Variants in CSMD1 observed in about 807,000 individuals in gnomAD.
CSMD1 encodes the protein CUB and sushi domain-containing protein 1.
A neutral mutation model predicts 417.5 loss-of-function variants in CSMD1; 213 were observed. The ratio of observed to expected loss-of-function variants is 0.51; its 90% CI spans 0.46 to 0.57. The LOEUF (loss-of-function observed/expected upper bound fraction) is 0.57, where lower values mean the gene tolerates loss of function less well. Ranked by LOEUF, CSMD1 falls within the 20% of genes least tolerant of loss-of-function variation. CSMD1 has a pLI of 0.00. For synonymous variants in CSMD1, 2,862 were observed against 1,736.8 expected (o/e 1.65, Z -16.11); for missense variants, 6,923 against 4,529.7 (o/e 1.53, Z -15.17).
chr8:3,165,174 C>G (rs1460814025), intron 37 of CSMD1, among the ~76,000 whole-genome samples: 1 of 151,842 alleles, frequency 6.6e-6, no homozygotes, highest in Non-Finnish European at 1.5e-5. Flanking sequence ...CACTACACAC[C>G]CAGTATATGT....
At chr8:3,901,475 A>C (rs549280703) in intron 5 of CSMD1, among the ~76,000 whole-genome samples, 10 of 152,136 alleles carry the variant, frequency 6.6e-5, no homozygotes, top group Non-Finnish European at 1.2e-4. Flanking sequence ...CACTTGATAG[A>C]TCTCACACAT....
At chr8:3,235,530 C>T (rs1219144011) in intron 26 of CSMD1, among the ~76,000 whole-genome samples, 1 of 152,124 alleles carries the variant, frequency 6.6e-6, no homozygotes, top group Non-Finnish European at 1.5e-5. Flanking sequence ...TCCCATTGCA[C>T]ATTAAGGATT....
chr8:4,826,478 G>C (rs79236178), intron 1 of CSMD1, among the ~76,000 whole-genome samples: 2,490 of 152,156 alleles, frequency 0.016, 75 homozygotes, highest in African/African-American at 0.055. Context: ...CTTTGATTTT[G>C]CTTTATGTTG....
intron 3 of CSMD1, among the ~76,000 whole-genome samples, chr8:4,364,157 C>CATAAATATAT (rs1472595833): frequency 6.6e-6 from 1 of 152,116 alleles, no homozygotes; most frequent in East Asian, 1.9e-4. Flanking sequence ...TCTTGTACTT[C>CATAAATATAT]ATAAATATAT....
At position 3,214,624 on chromosome 8, in the gene CSMD1, G is replaced by A; in HGVS notation, c.4740C>T (p.Phe1580=). Residue 1580 remains phenylalanine (F), a synonymous_variant, in exon 30 of 70, where the codon TTC becomes TTT. Transcript: ENST00000635120. ...GGTAGGTGATGGTGGAGCCAAGCTTGAAGTCTGTTCCAACTCTTGTCCCAT... is the reference window on the plus strand; with the variant it reads ...GGTAGGTGATGGTGGAGCCAAGCTTAAAGTCTGTTCCAACTCTTGTCCCAT... The part of the protein sequence containing the change: ...IMNGTRVGTD[F]KLGSTITYQC... 1.3e-6 allele frequency: 2 copies of A among 1,556,528 alleles called. No homozygotes were observed. The highest frequency in any genetic ancestry group is 2.4e-5 in the East Asian group (1 of 41,336).
intron 10 of CSMD1, among the ~76,000 whole-genome samples, chr8:3,520,760 A>G (rs188947888): frequency 3.3e-5 from 5 of 152,046 alleles, no homozygotes; most frequent in Admixed American, 3.3e-4. Context: ...ACACTTGCTT[A>G]TCACCAGCCA....
At chr8:3,649,020 C>A (rs1473396751) in intron 7 of CSMD1, among the ~76,000 whole-genome samples, 1 of 152,050 alleles carries the variant, frequency 6.6e-6, no homozygotes, top group Non-Finnish European at 1.5e-5. Context: ...ATGTACTGTC[C>A]AAGGTCACAG....
chr8:4,209,402 G>A (rs991833658), intron 3 of CSMD1, among the ~76,000 whole-genome samples: 3 of 152,116 alleles, frequency 2.0e-5, no homozygotes, highest in African/African-American at 7.2e-5. Context: ...ACTCTCCAGG[G>A]TTCCTGTGGA....
intron 3 of CSMD1, among the ~76,000 whole-genome samples, chr8:4,356,322 T>C (rs935073181): frequency 8.6e-6 from 1 of 115,832 alleles, no homozygotes; most frequent in Admixed American, 8.6e-5. Flanking sequence ...GTATTCATCA[T>C]ATGTAATACA....
chr8:4,171,453 G>A (rs1387635675), intron 3 of CSMD1, among the ~76,000 whole-genome samples: 2 of 151,420 alleles, frequency 1.3e-5, no homozygotes, highest in Admixed American at 6.6e-5. Context: ...TGACTTATTG[G>A]CTCTCCTGAA....
intron 25 of CSMD1, among the ~76,000 whole-genome samples, chr8:3,296,245 G>A (rs552090790): frequency 6.6e-6 from 1 of 151,748 alleles, no homozygotes; most frequent in East Asian, 2.0e-4. Context: ...AGGAGTTAAG[G>A]GTGTTTGTCG....
At chr8:3,699,904 C>T (rs372726011) in intron 7 of CSMD1, among the ~76,000 whole-genome samples, 1 of 131,108 alleles carries the variant, frequency 7.6e-6, no homozygotes, top group Non-Finnish European at 1.7e-5. Flanking sequence ...GGTTATATCC[C>T]ATAACTACAT....
intron 26 of CSMD1, among the ~76,000 whole-genome samples, chr8:3,244,370 A>T (rs546880824): frequency 7.7e-4 from 117 of 152,232 alleles, no homozygotes; most frequent in African/African-American, 1.9e-3. Flanking sequence ...CAAACCTAGG[A>T]CGTGTCCTCC....
chr8:4,415,181 G>C (rs993126675), intron 3 of CSMD1, among the ~76,000 whole-genome samples: 3 of 152,018 alleles, frequency 2.0e-5, no homozygotes, highest in Non-Finnish European at 4.4e-5. Context: ...GGCTCTCTGA[G>C]CTCCAGAGAA....
At chr8:3,165,919 G>A (rs1820181033) in intron 37 of CSMD1, among the ~76,000 whole-genome samples, 1 of 152,136 alleles carries the variant, frequency 6.6e-6, no homozygotes, top group African/African-American at 2.4e-5. Flanking sequence ...GGAGGTGGGG[G>A]AATGTAGACA....
intron 8 of CSMD1, among the ~76,000 whole-genome samples, chr8:3,612,178 A>G (rs1121619): frequency 0.84 from 127,011 of 152,018 alleles, 53,320 homozygotes; most frequent in Middle Eastern, 0.91. Context: ...GACAAATTTG[A>G]TTTCAGAGTA....
intron 4 of CSMD1, among the ~76,000 whole-genome samples, chr8:4,025,812 T>G (rs1481490764): frequency 6.6e-6 from 1 of 152,212 alleles, no homozygotes; most frequent in Non-Finnish European, 1.5e-5. Context: ...GCCTCTGATT[T>G]AGTTCTGTTA....
Position 4,291,032 on chromosome 8 carries a change from T to G in CSMD1, c.415+128921A>C, listed in dbSNP as rs75375337. 9.4e-3 allele frequency among the ~76,000 whole-genome samples: 1,428 copies of G among 152,274 alleles called. 20 individuals are homozygous for G. Among genetic ancestry groups the G allele is most frequent in the African/African-American group, 0.033 (1,384 of 41,560 alleles). On this transcript the variant is annotated intron_variant, in intron 3 of 69. Coordinates refer to ENST00000635120, the MANE Select transcript of CSMD1 (RefSeq NM_033225.6). ...AATGATGTCAAAATAAGATCTTCTT[T>G]GTACCCTAGTGTAAAATATTATGGG... is the stretch of plus-strand genomic sequence containing the variant.
At chr8:4,343,467 G>T (rs564418616) in intron 3 of CSMD1, among the ~76,000 whole-genome samples, 8 of 152,162 alleles carry the variant, frequency 5.3e-5, no homozygotes, top group Non-Finnish European at 1.2e-4. Flanking sequence ...ATGTTACTTA[G>T]CTTGATCATG....
Sources: gnomAD v4.1 joint callset for allele counts (sites outside exome capture counted in the v4.1 genomes callset) on GRCh38, gnomAD v4.1.1 for gene constraint, MANE v1.5 for transcripts, NCBI Gene and HGNC (gene_info 2026-07-23, HGNC 2026-07-21) for gene names.